The following FRMPD3 variants were observed in gnomAD, a reference collection of about 807,000 sequenced individuals.
The protein encoded by FRMPD3 is FERM and PDZ domain containing 3, also known as FERM and PDZ domain-containing protein 3.
FRMPD3 carries 42 observed loss-of-function variants against 97.9 expected under a neutral mutation model. The ratio of observed to expected loss-of-function variants is 0.43; its 90% CI spans 0.34 to 0.55. FRMPD3 has a LOEUF of 0.55. Ranked by LOEUF, FRMPD3 falls within the 20% of genes least tolerant of loss-of-function variation. FRMPD3 has a pLI of 0.03. For missense variants in FRMPD3, 1,303 were observed against 1,457.7 expected (o/e 0.89, Z 1.73); for synonymous variants, 577 against 581.1 (o/e 0.99, Z 0.10).
At chrX:107,461,757 T>TTATACATATACATATACA (rs761470965) in intron 1 of FRMPD3, among the ~76,000 whole-genome samples, 2,161 of 92,000 alleles carry the variant, frequency 0.023, 49 homozygotes, top group African/African-American at 0.03. Flanking sequence ...CTGGAATTCA[T>TTATACATATACATATACA]TATACATATA....
At chrX:107,574,298 A>G (rs1322746741) in intron 12 of FRMPD3, among the ~76,000 whole-genome samples, 1 of 110,943 alleles carries the variant, frequency 9.0e-6, no homozygotes, top group African/African-American at 3.3e-5. Flanking sequence ...AAAGGCAAAA[A>G]AGAAGTTTCA....
intron 1 of FRMPD3, among the ~76,000 whole-genome samples, chrX:107,470,017 T>C (rs1300178157): frequency 1.8e-5 from 2 of 111,570 alleles, no homozygotes; most frequent in Non-Finnish European, 3.8e-5. Context: ...GCATCTAAAA[T>C]CCCCAGTGTT....
At chrX:107,469,750 A>G (rs764715325) in intron 1 of FRMPD3, among the ~76,000 whole-genome samples, 7 of 112,519 alleles carry the variant, frequency 6.2e-5, no homozygotes, top group African/African-American at 2.3e-4. Context: ...GGATTAAATG[A>G]GTTAATAATT....
In FRMPD3 at chrX:107,601,248, G is replaced by A. The variant is rs868644298; in HGVS notation, c.3209G>A (p.Arg1070Gln). 1.4e-5 allele frequency: 17 copies of A among 1,207,968 alleles called. No individual in the cohort carries two copies. Among genetic ancestry groups the A allele is most frequent in the Middle Eastern group, 2.3e-4 (1 of 4,367 alleles). ...PPKSYLLRTS[R>Q]ESVGKQATGE... ...AAAAGCTATCTTTTGCGAACAAGCC[G>A]AGAGTCAGTGGGCAAGCAAGCTACA... The change falls in exon 15 of 15, where the codon CGA (arginine) becomes CAA (glutamine). Residue 1070 changes from arginine to glutamine, a missense_variant. Physicochemically the swap from Arg to Gln is conservative, Grantham distance 43 (BLOSUM62 1). This residue lies in a region of FRMPD3 where 764 missense variants were observed against 820.2 expected (regional missense o/e 0.93). Coordinates refer to ENST00000683843, the MANE Select transcript of FRMPD3 (RefSeq NM_001388459.1).
intron 1 of FRMPD3, among the ~76,000 whole-genome samples, chrX:107,516,562 G>A (rs1922337141): frequency 9.0e-6 from 1 of 111,213 alleles, no homozygotes; most frequent in South Asian, 3.9e-4. Context: ...TTTAATGATC[G>A]CCATTCGAAC....
At chrX:107,547,163 A>G (rs1471172762) in intron 5 of FRMPD3, among the ~76,000 whole-genome samples, 1 of 111,933 alleles carries the variant, frequency 8.9e-6, no homozygotes, top group African/African-American at 3.3e-5. Flanking sequence ...AGGGTGAAAC[A>G]GACCCCGAGG....
intron 13 of FRMPD3, among the ~76,000 whole-genome samples, chrX:107,578,945 C>G: frequency 9.0e-6 from 1 of 111,478 alleles, no homozygotes; most frequent in South Asian, 3.8e-4. Context: ...CTGAGGAGAC[C>G]TCAGCTCAGG....
rs1055517321 is a variant in FRMPD3, at chrX:107,507,723, C to A, written c.-7-18859C>A. On this transcript the variant is annotated intron_variant, in intron 1 of 14. Coordinates refer to ENST00000683843, the MANE Select transcript of FRMPD3 (RefSeq NM_001388459.1). ...TATGCAGGAGCATACCTATCACTTT[C>A]CTTTCTTAAGCTCTGTAAAACTCAG... Among the ~76,000 whole-genome samples the A allele has an allele frequency of 2.7e-5, 3 of 112,373 alleles. No individual in the cohort carries two copies. The East Asian group carries it at 8.4e-4, about 32-fold the overall frequency.
At chrX:107,545,062 A>G (rs1270862517) in intron 4 of FRMPD3, 2 of 112,118 alleles carry the variant, frequency 1.8e-5, no homozygotes, top group Non-Finnish European at 3.8e-5. Flanking sequence ...CCTAGGCGAC[A>G]AGAGTGAAAC....
intron 12 of FRMPD3, among the ~76,000 whole-genome samples, chrX:107,568,011 C>T (rs1003244823): frequency 1.8e-5 from 2 of 110,804 alleles, no homozygotes; most frequent in Admixed American, 9.7e-5. Flanking sequence ...AGACAATGCA[C>T]GTGTCTTATT....
chrX:107,468,934 T>C (rs1052573024), intron 1 of FRMPD3, among the ~76,000 whole-genome samples: 1 of 112,876 alleles, frequency 8.9e-6, no homozygotes, highest in Non-Finnish European at 1.9e-5. Context: ...AACCCTTTCA[T>C]ATTTCACACC....
intron 1 of FRMPD3, among the ~76,000 whole-genome samples, chrX:107,519,051 G>A (rs945469383): frequency 3.6e-5 from 4 of 112,110 alleles, no homozygotes; most frequent in African/African-American, 1.3e-4. Context: ...TAGAATTGTG[G>A]CTTCCATGGG....
chrX:107,599,087 A>G (rs927006383), intron 14 of FRMPD3, among the ~76,000 whole-genome samples: 1 of 110,960 alleles, frequency 9.0e-6, no homozygotes, highest in Non-Finnish European at 1.9e-5. Flanking sequence ...AGCCTGGCCA[A>G]CATGGTGAAA....
Position 107,600,824 on chromosome X carries a change from C to T in FRMPD3, c.2785C>T (p.Leu929=). ...CCTCAGTGAAGAGCAGGTCTCTGAG[C>T]TGAGGGACAACCTGCCCAAGGAGGT... is the stretch of plus-strand genomic sequence containing the variant. The part of the protein sequence containing the change: ...SSLSEEQVSE[L]RDNLPKEVRL... The change falls in exon 15 of 15, where the codon CTG becomes TTG. Residue 929 remains leucine, a synonymous_variant. Coordinates refer to ENST00000683843, the MANE Select transcript of FRMPD3 (RefSeq NM_001388459.1). 1 of 1,209,319 alleles carries T rather than the reference C, an allele frequency of 8.3e-7. No homozygotes were observed. Among genetic ancestry groups the T allele is most frequent in the Non-Finnish European group, 1.1e-6 (1 of 894,607 alleles).
chrX:107,471,516 G>T (rs1276335111), intron 1 of FRMPD3, among the ~76,000 whole-genome samples: 1 of 110,948 alleles, frequency 9.0e-6, no homozygotes, highest in Non-Finnish European at 1.9e-5. Context: ...TGTTCTCAAT[G>T]TTCAACTCCC....
Position 107,568,217 on chromosome X carries a change from A to T in FRMPD3, c.1296+3151A>T, listed in dbSNP as rs768675285. On this transcript the variant is annotated intron_variant, in intron 12 of 14. Transcript: ENST00000683843. ...TGCTGGGAAGCATGCTAAACACAGA[A>T]TTTATTTTATTTTATTTTATTATTA... Among the ~76,000 whole-genome samples the T allele has an allele frequency of 5.4e-5, 6 of 110,262 alleles. No homozygotes were observed. The South Asian group carries it at 2.4e-3, about 44-fold the overall frequency.
At position 107,597,991 on chromosome X, in the gene FRMPD3, G is replaced by T; in HGVS notation, c.2112G>T (p.Glu704Asp). 2 of 1,210,651 alleles carry T rather than the reference G, an allele frequency of 1.7e-6. No individual in the cohort carries two copies. The highest frequency in any genetic ancestry group is 3.0e-5 in the East Asian group (1 of 33,829). Reference protein sequence around the residue: ...GRHLRGLLYDEIPVTLIDSVQ... With the variant: ...GRHLRGLLYDDIPVTLIDSVQ... ...ACCTGCGTGGGCTTCTGTACGATGA[G>T]ATTCCAGTGACATTGATTGACAGTG... Residue 704 changes from glutamate (E) to aspartate (D), a missense_variant, in exon 14 of 15, where the codon GAG (glutamate) becomes GAT (aspartate). Coordinates refer to ENST00000683843, the MANE Select transcript of FRMPD3 (RefSeq NM_001388459.1).
At chrX:107,450,999 G>C (rs959227224) in intron 1 of FRMPD3, among the ~76,000 whole-genome samples, 1 of 109,940 alleles carries the variant, frequency 9.1e-6, no homozygotes, top group African/African-American at 3.3e-5. Context: ...TCGAGCTGTT[G>C]GGTTTCCTGC....
chrX:107,492,915 C>T (rs919253242), intron 1 of FRMPD3, among the ~76,000 whole-genome samples: 3 of 110,948 alleles, frequency 2.7e-5, no homozygotes, highest in Admixed American at 9.6e-5. Context: ...TGGTGGCTTA[C>T]TCCTGTAATC....
Sources: gnomAD v4.1 joint callset for allele counts (sites outside exome capture counted in the v4.1 genomes callset) on GRCh38, gnomAD v4.1.1 for gene constraint, gnomAD v4.1.1 regional missense constraint, MANE v1.5 for transcripts, NCBI Gene and HGNC (gene_info 2026-07-23, HGNC 2026-07-21) for gene names.